Variants in TBXAS1 observed in about 807,000 individuals in gnomAD.
TBXAS1 encodes the protein thromboxane-A synthase.
A neutral mutation model predicts 60.7 loss-of-function variants in TBXAS1; 48 were observed. The observed-to-expected ratio is 0.79, with a 90% CI of 0.63 to 1.01. The LOEUF (loss-of-function observed/expected upper bound fraction) is 1.01, where lower values mean the gene tolerates loss of function less well. TBXAS1 is among the 50% of genes least tolerant of loss of function. TBXAS1 has a pLI of 0.00. For missense variants in TBXAS1, 685 were observed against 686.3 expected, an observed-to-expected ratio of 1.00 and a Z score of 0.02; for synonymous variants, 287 against 269.7, an observed-to-expected ratio of 1.06 and a Z score of -0.63.
intron 4 of TBXAS1, among the ~76,000 whole-genome samples, chr7:139,815,829 T>A (rs1375809609): frequency 6.6e-6 from 1 of 152,168 alleles, no homozygotes; most frequent in Non-Finnish European, 1.5e-5. Context: ...AGTAAAGTGA[T>A]GGCTAATTAT....
chr7:139,967,622 A>G (rs1810886788), intron 9 of TBXAS1, among the ~76,000 whole-genome samples: 1 of 152,096 alleles, frequency 6.6e-6, no homozygotes. Flanking sequence ...GAGGAATATG[A>G]TCCCCTGATT....
intron 1 of TBXAS1, among the ~76,000 whole-genome samples, chr7:139,834,561 A>G (rs769195553): frequency 6.6e-6 from 1 of 152,236 alleles, no homozygotes; most frequent in African/African-American, 2.4e-5. Context: ...AATAAAATTG[A>G]TAGACCATTA....
At chr7:139,893,641 A>C (rs1569509477) in intron 3 of TBXAS1, among the ~76,000 whole-genome samples, 1 of 152,094 alleles carries the variant, frequency 6.6e-6, no homozygotes, top group Non-Finnish European at 1.5e-5. Context: ...ATTGAATTAC[A>C]TTTGCACCAA....
intron 3 of TBXAS1, among the ~76,000 whole-genome samples, chr7:139,902,225 A>C (rs1473125600): frequency 6.6e-6 from 1 of 151,746 alleles, no homozygotes; most frequent in Non-Finnish European, 1.5e-5. Context: ...CTATCCTATG[A>C]CCATAAGCTC....
chr7:139,932,572 A>G (rs1584884616), intron 4 of TBXAS1, among the ~76,000 whole-genome samples: 1 of 152,072 alleles, frequency 6.6e-6, no homozygotes, highest in African/African-American at 2.4e-5. Flanking sequence ...TCCCTCTCCC[A>G]TGCAGTATGT....
chr7:139,850,508 T>C (rs770847779), intron 1 of TBXAS1, among the ~76,000 whole-genome samples: 2 of 152,182 alleles, frequency 1.3e-5, no homozygotes, highest in Non-Finnish European at 2.9e-5. Context: ...GGGGTATTAT[T>C]TGGGCCTTTT....
intron 3 of TBXAS1, among the ~76,000 whole-genome samples, chr7:139,895,473 A>G (rs752990802): frequency 5.9e-5 from 9 of 152,192 alleles, no homozygotes; most frequent in Non-Finnish European, 1.2e-4. Context: ...CCCCAGTAGG[A>G]CAAAATGCCA....
chr7:139,977,005 C>CA (rs543728397), intron 9 of TBXAS1, among the ~76,000 whole-genome samples: 43 of 152,128 alleles, frequency 2.8e-4, no homozygotes, highest in Non-Finnish European at 5.7e-4. Flanking sequence ...ACAAAACAAA[C>CA]AAACAAACAA....
rs568718321 is a variant in TBXAS1 at position 139,786,070 on chromosome 7, G to GT, written c.-168-1262dup. On this transcript the variant is annotated intron_variant, in intron 3 of 16. Coordinates refer to the TBXAS1 transcript ENST00000336425. Reference sequence around the variant, plus strand: ...TAGAGGGTTTTTTTTTTGTTTGTTTGTTTTTTGTTTTTTTAATGTCTCGCC... The same window carrying GT: ...TAGAGGGTTTTTTTTTTGTTTGTTTGTTTTTTTGTTTTTTTAATGTCTCGCC... Among the ~76,000 whole-genome samples, 55 of 146,882 alleles carry GT rather than the reference G, an allele frequency of 3.7e-4. No individual in the cohort carries two copies. In the East Asian group the frequency reaches 8.0e-3, roughly 21 times the overall value.
intron 10 of TBXAS1, among the ~76,000 whole-genome samples, chr7:140,007,913 C>A (rs1452398790): frequency 6.6e-6 from 1 of 152,186 alleles, no homozygotes; most frequent in East Asian, 1.9e-4. Context: ...AGAGCAAAAC[C>A]AACTATTGTG....
chr7:139,784,011 GTTT>G lies in TBXAS1; in HGVS notation c.-169+1294_-169+1296del, dbSNP rs11340240. 2.5e-3 allele frequency among the ~76,000 whole-genome samples: 326 copies of G among 132,086 alleles called. 3 individuals are homozygous for G. The highest frequency in any genetic ancestry group is 8.5e-3 in the African/African-American group (314 of 36,928). 86.7% of individuals were successfully genotyped at this position (132,086 alleles called of 152,430 possible). ...CATGCATGCTTGTTTAGTTTTTTTT[GTTT>G]TTTTTTTTTTTGTATTTTTTCCCAA... On this transcript the variant is annotated intron_variant, in intron 3 of 16. Transcript: ENST00000336425.
intron 8 of TBXAS1, 54 bp from the exon 9 acceptor site, chr7:139,961,865 C>T (rs1030799743): frequency 2.2e-5 from 35 of 1,607,522 alleles, no homozygotes; most frequent in Non-Finnish European, 2.9e-5. Flanking sequence ...CAGGAAGCCT[C>T]ACTCTTCATG....
chr7:140,007,646 G>C (rs1338965958), intron 10 of TBXAS1, among the ~76,000 whole-genome samples: 1 of 152,226 alleles, frequency 6.6e-6, no homozygotes, highest in Middle Eastern at 3.4e-3. Flanking sequence ...AGTCCTGGGA[G>C]CTCCTTCCTG....
At chr7:139,862,273 G>A (rs528790763) in intron 1 of TBXAS1, among the ~76,000 whole-genome samples, 15 of 152,308 alleles carry the variant, frequency 9.8e-5, no homozygotes, top group African/African-American at 3.4e-4. Flanking sequence ...ATAAGGAAAG[G>A]AGCCAGCAAA....
chr7:139,906,899 C>T (rs938572500), intron 3 of TBXAS1, among the ~76,000 whole-genome samples: 1 of 152,188 alleles, frequency 6.6e-6, no homozygotes, highest in African/African-American at 2.4e-5. Context: ...TGGAATCCTG[C>T]AACCTTGCTG....
chr7:139,945,558 C>T (rs924343930), intron 5 of TBXAS1, among the ~76,000 whole-genome samples: 3 of 152,178 alleles, frequency 2.0e-5, no homozygotes, highest in Non-Finnish European at 4.4e-5. Flanking sequence ...AGAAAATCAA[C>T]AGAATGGGGT....
chr7:139,785,959 C>T (rs940829718), intron 3 of TBXAS1, among the ~76,000 whole-genome samples: 2 of 151,526 alleles, frequency 1.3e-5, no homozygotes, highest in Non-Finnish European at 2.9e-5. Flanking sequence ...CCCCAGCCCA[C>T]ATCCCCAGAG....
intron 4 of TBXAS1, among the ~76,000 whole-genome samples, chr7:139,934,847 C>G (rs1328053494): frequency 6.6e-6 from 1 of 152,096 alleles, no homozygotes; most frequent in Admixed American, 6.5e-5. Context: ...GAGTCTTGCT[C>G]TGTTGCCTAG....
chr7:139,852,983 C>CACACACAA lies in TBXAS1; in HGVS notation c.90-19245_90-19244insAACACACA, dbSNP rs1554475209. ...ACACACACACACACACACACACACA[C>CACACACAA]ACACACAGTTGGCCAAAGAAGCAAC... On this transcript the variant is annotated intron_variant, in intron 1 of 12. Transcript: ENST00000448866. The surrounding 1 kb of genome is among the most constrained non-coding windows in gnomAD (Gnocchi z 4.4). Among the ~76,000 whole-genome samples, 17 of 127,802 alleles carry CACACACAA rather than the reference C, an allele frequency of 1.3e-4. No homozygotes were observed. Among genetic ancestry groups the CACACACAA allele is most frequent in the South Asian group, 5.3e-4 (2 of 3,768 alleles). 83.8% of individuals were successfully genotyped at this position (127,802 alleles called of 152,430 possible). A position where few individuals can be genotyped will look rare whatever the true frequency, so the allele number is the denominator to read the frequency against.
Sources: allele counts gnomAD v4.1 joint callset (sites outside exome capture counted in the v4.1 genomes callset), GRCh38; gene constraint gnomAD v4.1.1; non-coding constraint Gnocchi (gnomAD v3.1); transcripts MANE v1.5; gene names NCBI Gene and HGNC (gene_info 2026-07-23, HGNC 2026-07-21).